The following GALNT17 variants were observed in gnomAD, a reference collection of about 807,000 sequenced individuals.
GALNT17 encodes the protein polypeptide N-acetylgalactosaminyltransferase 17, also known as UDP-GalNAc:polypeptide N-acetylgalactosaminyltransferase-like 3.
Under a neutral mutation model 63.7 loss-of-function variants are expected in GALNT17, and 29 were observed. That is an observed-to-expected ratio of 0.46 (90% CI 0.34 to 0.62). GALNT17 has a LOEUF of 0.62. GALNT17 is among the 20% of genes least tolerant of loss of function. The probability of loss-of-function intolerance (pLI) is 0.01; values close to 1 mark genes in which losing one functional copy is unlikely to be tolerated. For synonymous variants in GALNT17, 305 were observed against 318.3 expected, an observed-to-expected ratio of 0.96 and a Z score of 0.45; for missense variants, 603 against 799.6, an observed-to-expected ratio of 0.75 and a Z score of 2.97.
chr7:71,518,612 A>G (rs1423316141), intron 5 of GALNT17, among the ~76,000 whole-genome samples: 3 of 152,238 alleles, frequency 2.0e-5, no homozygotes, highest in Non-Finnish European at 2.9e-5. Context: ...AGTCACTAGG[A>G]AACTTCAGAA....
chr7:71,138,173 C>T (rs12699003), intron 1 of GALNT17, among the ~76,000 whole-genome samples: 23,744 of 152,074 alleles, frequency 0.16, 2,264 homozygotes, highest in African/African-American at 0.26. Context: ...ACAGCAAGAC[C>T]TCATCTTTAC....
intron 2 of GALNT17, among the ~76,000 whole-genome samples, chr7:71,343,264 TG>T (rs1285178709): frequency 3.3e-5 from 5 of 152,220 alleles, no homozygotes; most frequent in Admixed American, 2.6e-4. Flanking sequence ...TATTCCCCAA[TG>T]GATAGGATCC....
intron 1 of GALNT17, among the ~76,000 whole-genome samples, chr7:71,288,604 C>A (rs1265376304): frequency 2.0e-5 from 3 of 152,158 alleles, no homozygotes; most frequent in African/African-American, 7.2e-5. Context: ...CTGAGTCTCT[C>A]CAGGGTGGTC....
intron 6 of GALNT17, among the ~76,000 whole-genome samples, chr7:71,636,396 G>T (rs60091286): frequency 0.065 from 9,814 of 152,152 alleles, 547 homozygotes; most frequent in East Asian, 0.24. Context: ...AAGGAAGGAG[G>T]ATGGACAGAT....
chr7:71,649,102 C>T (rs1397503329), intron 6 of GALNT17, among the ~76,000 whole-genome samples: 4 of 152,174 alleles, frequency 2.6e-5, no homozygotes. Flanking sequence ...ATTTGCCAGC[C>T]CACCTGCCCT....
intron 1 of GALNT17, among the ~76,000 whole-genome samples, chr7:71,208,244 A>T (rs1789310293): frequency 6.6e-6 from 1 of 151,958 alleles, no homozygotes; most frequent in Non-Finnish European, 1.5e-5. Context: ...GCCCATTGCT[A>T]TAATTTGGAA....
intron 8 of GALNT17, among the ~76,000 whole-genome samples, chr7:71,674,123 C>A (rs1791111788): frequency 6.6e-6 from 1 of 152,140 alleles, no homozygotes; most frequent in Non-Finnish European, 1.5e-5. Context: ...ATAATAAAAT[C>A]AATACATACA....
chr7:71,165,187 T>G (rs1384747283), intron 1 of GALNT17, among the ~76,000 whole-genome samples: 1 of 151,932 alleles, frequency 6.6e-6, no homozygotes, highest in Admixed American at 6.6e-5. Context: ...GAAAGACAGG[T>G]TTTTCAGGGA....
chr7:71,500,680 ACTC>A (rs1347871703), intron 5 of GALNT17, among the ~76,000 whole-genome samples: 2 of 151,534 alleles, frequency 1.3e-5, no homozygotes, highest in African/African-American at 4.9e-5. Context: ...GCACATTACT[ACTC>A]TTTCTTCCAG....
Position 71,256,307 on chromosome 7 carries a change from C to T in GALNT17, c.239-79243C>T, listed in dbSNP as rs111727314. 4.5e-3 allele frequency among the ~76,000 whole-genome samples: 678 copies of T among 152,296 alleles called. 6 individuals carry two copies. The highest frequency in any genetic ancestry group is 0.015 in the African/African-American group (636 of 41,548). ...AAGTTATGGGCTAGGCGTGGTGGCT[C>T]ACACCTGTCATCCCAGCACTTTGGG... On this transcript the variant is annotated intron_variant, in intron 1 of 10. Coordinates refer to ENST00000333538, the MANE Select transcript of GALNT17 (RefSeq NM_022479.3).
intron 5 of GALNT17, among the ~76,000 whole-genome samples, chr7:71,445,467 G>A (rs1205070312): frequency 1.3e-5 from 2 of 149,760 alleles, no homozygotes; most frequent in African/African-American, 4.9e-5. Flanking sequence ...AAAGTGCTGG[G>A]ATTACACGTG....
In GALNT17 at chr7:71,708,454, C is replaced by CT. The variant is rs1791749444; in HGVS notation, c.1501-2307_1501-2306insT. ...CCCTTCATGAATCAATTACCTCCCA[C>CT]CGGTCCCTCCCACAACACATGAGGA... is the stretch of plus-strand genomic sequence containing the variant. On this transcript the variant is annotated intron_variant, in intron 9 of 10. Transcript: ENST00000333538. 1.4e-3 allele frequency among the ~76,000 whole-genome samples: 6 copies of CT among 4,380 alleles called. No individual in the cohort carries two copies. The Admixed American group carries it at 0.027, about 20-fold the overall frequency. 2.9% of individuals were successfully genotyped at this position (4,380 alleles called of 152,430 possible). A position where few individuals can be genotyped will look rare whatever the true frequency, so the allele number is the denominator to read the frequency against.
At chr7:71,338,239 A>T (rs1368268163) in intron 2 of GALNT17, among the ~76,000 whole-genome samples, 1 of 152,014 alleles carries the variant, frequency 6.6e-6, no homozygotes, top group Non-Finnish European at 1.5e-5. Flanking sequence ...AGGCAGGAGA[A>T]TGGCGTGAAC....
chr7:71,258,026 C>T (rs567036686), intron 1 of GALNT17, among the ~76,000 whole-genome samples: 10 of 152,290 alleles, frequency 6.6e-5, no homozygotes, highest in South Asian at 2.1e-4. Context: ...CATGGCCTCC[C>T]GCCATTGCTA....
intron 2 of GALNT17, among the ~76,000 whole-genome samples, chr7:71,348,153 C>T (rs1380546281): frequency 6.6e-6 from 1 of 151,886 alleles, no homozygotes; most frequent in Admixed American, 6.6e-5. Flanking sequence ...CTCAGATACT[C>T]AGGGGGCTGA....
chr7:71,280,738 G>A (rs1790765584), intron 1 of GALNT17, among the ~76,000 whole-genome samples: 1 of 152,128 alleles, frequency 6.6e-6, no homozygotes, highest in African/African-American at 2.4e-5. Flanking sequence ...GGAGAAAGAG[G>A]GTTTTCCTTG....
chr7:71,356,102 G>A (rs1792279964), intron 2 of GALNT17, among the ~76,000 whole-genome samples: 1 of 151,960 alleles, frequency 6.6e-6, no homozygotes. Context: ...CTCAGCCTCT[G>A]AGTAGCTGGA....
intron 5 of GALNT17, among the ~76,000 whole-genome samples, chr7:71,472,315 A>G (rs1303356953): frequency 1.3e-5 from 2 of 152,206 alleles, no homozygotes; most frequent in African/African-American, 4.8e-5. Context: ...GGACACAAAC[A>G]TTTAGCTCAT....
rs1224690855 is a variant in GALNT17 at position 71,359,606 on chromosome 7, A to T, written c.422+23873A>T. Among the ~76,000 whole-genome samples the T allele has an allele frequency of 2.2e-5, 3 of 138,406 alleles. No homozygotes were observed. The Admixed American group carries it at 2.2e-4, about 10-fold the overall frequency. The allele number at this position is 138,406 out of a possible 152,430, so 90.8% of individuals were successfully genotyped here. On this transcript the variant is annotated intron_variant, in intron 2 of 10. Coordinates refer to ENST00000333538, the MANE Select transcript of GALNT17 (RefSeq NM_022479.3). ...AGTGGGTATAATTTTTTTTTTTTTT[A>T]GACAGATCTTGCTGTCACCCAGGCT...
Sources: allele counts gnomAD v4.1 joint callset (sites outside exome capture counted in the v4.1 genomes callset), GRCh38; gene constraint gnomAD v4.1.1; transcripts MANE v1.5; gene names NCBI Gene and HGNC (gene_info 2026-07-23, HGNC 2026-07-21).